Variants in GSK3B observed in about 807,000 individuals in gnomAD.
GSK3B encodes glycogen synthase kinase 3 beta.
Under a neutral mutation model 56.4 loss-of-function variants are expected in GSK3B, and 15 were observed. The ratio of observed to expected loss-of-function variants is 0.27; its 90% CI spans 0.18 to 0.41. GSK3B has a LOEUF of 0.41. Among genes scored for constraint, GSK3B ranks in the 10% least tolerant of loss-of-function variants. The probability of loss-of-function intolerance (pLI) is 1.00; values close to 1 mark genes in which losing one functional copy is unlikely to be tolerated. For synonymous variants in GSK3B, 181 were observed against 188.9 expected, an observed-to-expected ratio of 0.96 and a Z score of 0.34; for missense variants, 300 against 513.4, an observed-to-expected ratio of 0.58 and a Z score of 4.02.
At chr3:119,866,693 G>T in intron 8 of GSK3B, 1 of 1,040,014 alleles carries the variant, frequency 9.6e-7, no homozygotes, top group Non-Finnish European at 1.5e-6. Flanking sequence ...GAATAGTCCA[G>T]CAAGGAAAAA....
chr3:119,912,065 TA>T (rs1186991093), intron 6 of GSK3B, among the ~76,000 whole-genome samples: 1 of 152,220 alleles, frequency 6.6e-6, no homozygotes, highest in Non-Finnish European at 1.5e-5. Context: ...TTGCTCAGCT[TA>T]ATCATTTCTA....
chr3:119,886,526 T>G (rs2056437952), intron 7 of GSK3B, among the ~76,000 whole-genome samples: 1 of 152,042 alleles, frequency 6.6e-6, no homozygotes, highest in African/African-American at 2.4e-5. Flanking sequence ...CATTACTGGG[T>G]ATATATCCAA....
chr3:119,979,386 T>G (rs1030718489), intron 2 of GSK3B, among the ~76,000 whole-genome samples: 6 of 152,164 alleles, frequency 3.9e-5, no homozygotes, highest in African/African-American at 1.4e-4. Flanking sequence ...CTCTCTGTAT[T>G]CTTATCCCCC....
chr3:119,896,764 C>G (rs1402946703), intron 7 of GSK3B, among the ~76,000 whole-genome samples: 1 of 152,130 alleles, frequency 6.6e-6, no homozygotes. Flanking sequence ...AGTCAGGGGT[C>G]TAGCATATGC....
chr3:119,951,793 A>G (rs1393374333), intron 2 of GSK3B, among the ~76,000 whole-genome samples: 1 of 152,152 alleles, frequency 6.6e-6, no homozygotes, highest in Non-Finnish European at 1.5e-5. Flanking sequence ...AAATTAAGGG[A>G]AACCATATTT....
chr3:119,969,164 C>T (rs148106796), intron 2 of GSK3B, among the ~76,000 whole-genome samples: 3,296 of 151,738 alleles, frequency 0.022, 135 homozygotes, highest in African/African-American at 0.075. Context: ...TGGTGGCACA[C>T]GCCTGTAATC....
chr3:120,059,759 T>C (rs1355806652), intron 1 of GSK3B, among the ~76,000 whole-genome samples: 1 of 152,194 alleles, frequency 6.6e-6, no homozygotes, highest in East Asian at 1.9e-4. Flanking sequence ...CAATACTTAA[T>C]AAGCACCTAC....
At chr3:119,855,103 G>T (rs2055998876) in intron 9 of GSK3B, among the ~76,000 whole-genome samples, 1 of 152,200 alleles carries the variant, frequency 6.6e-6, no homozygotes, top group Non-Finnish European at 1.5e-5. Flanking sequence ...GTGTCCCAGA[G>T]ATTCTGGTAT....
At chr3:119,837,258 C>T (rs2055705270) in intron 10 of GSK3B, among the ~76,000 whole-genome samples, 1 of 152,042 alleles carries the variant, frequency 6.6e-6, no homozygotes. Context: ...GGGTTCACGC[C>T]ATTCTCCTGC....
chr3:119,972,337 C>T (rs1334875779), intron 2 of GSK3B, among the ~76,000 whole-genome samples: 1 of 152,128 alleles, frequency 6.6e-6, no homozygotes, highest in Non-Finnish European at 1.5e-5. Context: ...CTTATGATTC[C>T]TATCCACAGA....
chr3:120,078,880 C>T (rs2058388838), intron 1 of GSK3B, among the ~76,000 whole-genome samples: 2 of 148,248 alleles, frequency 1.3e-5, no homozygotes, highest in Non-Finnish European at 3.0e-5. Context: ...AAAAGCACAG[C>T]TCTTCTTTAA....
chr3:120,090,917 T>C (rs1485471450), intron 1 of GSK3B, among the ~76,000 whole-genome samples: 4 of 152,324 alleles, frequency 2.6e-5, no homozygotes, highest in African/African-American at 9.6e-5. Context: ...ATTTGTCAAC[T>C]TGATTATTGT....
chr3:119,999,085 G>A (rs2057651069), intron 2 of GSK3B, among the ~76,000 whole-genome samples: 1 of 152,114 alleles, frequency 6.6e-6, no homozygotes, highest in Admixed American at 6.6e-5. Flanking sequence ...AATTTTAATA[G>A]CTATCAATTG....
chr3:119,895,636 T>G (rs1576181760), intron 7 of GSK3B, among the ~76,000 whole-genome samples: 1 of 152,150 alleles, frequency 6.6e-6, no homozygotes, highest in Non-Finnish European at 1.5e-5. Flanking sequence ...ATGGATCCAG[T>G]TGTCCAAGCA....
In GSK3B at chr3:119,863,339, TTTTAA is replaced by T. The variant is rs1327374952; in HGVS notation, c.1096+75_1096+79del. ...TATGTCCGTTTTTGTCCTCCACAGA[TTTTAA>T]TTAATAGAATGTCATTTCACACCCA... On this transcript the variant is annotated intron_variant, in intron 9 of 10. Coordinates refer to ENST00000264235, the MANE Select transcript of GSK3B (RefSeq NM_001146156.2). 6 of 1,162,840 alleles carry T rather than the reference TTTTAA, an allele frequency of 5.2e-6. No individual in the cohort carries two copies. The East Asian group carries it at 1.2e-4, about 23-fold the overall frequency. 72.0% of individuals were successfully genotyped at this position (1,162,840 alleles called of 1,614,324 possible). A position where few individuals can be genotyped will look rare whatever the true frequency, so the allele number is the denominator to read the frequency against.
chr3:120,040,899 A>C (rs1192309173), intron 1 of GSK3B, among the ~76,000 whole-genome samples: 2 of 150,698 alleles, frequency 1.3e-5, no homozygotes, highest in African/African-American at 4.9e-5. Context: ...CCTCCTTACA[A>C]TTCTCACTCT....
chr3:120,086,763 C>A (rs916647785), intron 1 of GSK3B, among the ~76,000 whole-genome samples: 4 of 151,894 alleles, frequency 2.6e-5, no homozygotes, highest in Admixed American at 1.3e-4. Context: ...CCACTGCACT[C>A]CAGGCTAGGC....
At chr3:120,071,475 T>G (rs567174119) in intron 1 of GSK3B, among the ~76,000 whole-genome samples, 38 of 152,284 alleles carry the variant, frequency 2.5e-4, no homozygotes, top group African/African-American at 9.1e-4. Context: ...ATTGCTCACA[T>G]TACCACCTGA....
rs1173737285 is a variant in GSK3B, at chr3:120,082,385, C to CTTTTTTTTT, written c.88+10953_88+10961dup. ...TGTGGCTAGCCCAAATTAGTATGTT[C>CTTTTTTTTT]TTTTTTTTTTTTTTTTTTTTTTTTT... On this transcript the variant is annotated intron_variant, in intron 1 of 10. Coordinates refer to ENST00000264235, the MANE Select transcript of GSK3B (RefSeq NM_001146156.2). Among the ~76,000 whole-genome samples, 34 of 66,382 alleles carry CTTTTTTTTT rather than the reference C, an allele frequency of 5.1e-4. 5 individuals are homozygous for CTTTTTTTTT. Among genetic ancestry groups the CTTTTTTTTT allele is most frequent in the African/African-American group, 9.5e-4 (19 of 19,980 alleles). The allele number at this position is 66,382 out of a possible 152,430, so 43.5% of individuals were successfully genotyped here.
Sources: allele counts gnomAD v4.1 joint callset (sites outside exome capture counted in the v4.1 genomes callset), GRCh38; gene constraint gnomAD v4.1.1; transcripts MANE v1.5; gene names NCBI Gene and HGNC (gene_info 2026-07-23, HGNC 2026-07-21).